The following RBM10 variants were observed in gnomAD, a reference collection of about 807,000 sequenced individuals.
RBM10 encodes the protein RNA-binding protein 10.
A neutral mutation model predicts 84.9 loss-of-function variants in RBM10; 1 was observed. The observed-to-expected ratio is 0.01, with a 90% CI of 0.00 to 0.06. The LOEUF (loss-of-function observed/expected upper bound fraction) is 0.06, where lower values mean the gene tolerates loss of function less well. Among genes scored for constraint, RBM10 ranks in the 10% least tolerant of loss-of-function variants. RBM10 has a pLI of 1.00. For missense variants in RBM10, 438 were observed against 839.0 expected (o/e 0.52, Z 5.90); for synonymous variants, 326 against 344.5 (o/e 0.95, Z 0.60).
Position 47,185,449 on chromosome X carries a change from C to T in RBM10, c.2174C>T (p.Pro725Leu), listed in dbSNP as rs375052241. The change falls in exon 20 of 24, where the codon CCG (proline) becomes CTG (leucine). Residue 725 changes from proline to leucine, a missense_variant. This residue lies in a region of RBM10 where 92 missense variants were observed against 199.9 expected (regional missense o/e 0.46). Transcript: ENST00000377604. ...KLASDDRPSP[P>L]RGLVAAYSGE... ...CACCCTCACCCTCTACAGAGCCCTC[C>T]GCGAGGACTGGTGGCAGCCTACAGC... 9 of 1,171,939 alleles carry T rather than the reference C, an allele frequency of 7.7e-6. No homozygotes were observed. The highest frequency in any genetic ancestry group is 1.0e-5 in the Non-Finnish European group (9 of 875,515).
intron 2 of RBM10, among the ~76,000 whole-genome samples, chrX:47,162,819 T>C (rs1556767214): frequency 9.4e-6 from 1 of 106,656 alleles, no homozygotes; most frequent in Non-Finnish European, 1.9e-5. Flanking sequence ...TGCAATGAGC[T>C]GAGATGGCGC....
intron 2 of RBM10, among the ~76,000 whole-genome samples, chrX:47,153,919 G>A (rs782062784): frequency 9.0e-6 from 1 of 110,831 alleles, no homozygotes; most frequent in East Asian, 2.8e-4. Context: ...TTAGCTGGGC[G>A]TGGTGGCAGG....
chrX:47,167,291 C>T (rs1216327397), intron 2 of RBM10, among the ~76,000 whole-genome samples: 1 of 108,973 alleles, frequency 9.2e-6, no homozygotes, highest in Non-Finnish European at 1.9e-5. Context: ...TTTTCTGTGG[C>T]TTCTGGATTT....
chrX:47,155,264 A>G (rs1248131002), intron 2 of RBM10, among the ~76,000 whole-genome samples: 1 of 110,703 alleles, frequency 9.0e-6, no homozygotes. Context: ...CGTATAGCCA[A>G]TGTTAGGTTA....
At chrX:47,181,433 G>A (rs1422349027) in intron 13 of RBM10, 32 bp downstream of exon 13, 1 of 1,206,261 alleles carries the variant, frequency 8.3e-7, no homozygotes, top group Admixed American at 2.2e-5. Context: ...TGCAGCTGTG[G>A]TGGGGGCCAG....
intron 6 of RBM10, among the ~76,000 whole-genome samples, chrX:47,176,179 G>A (rs1473879904): frequency 3.7e-5 from 4 of 108,816 alleles, no homozygotes; most frequent in Non-Finnish European, 7.7e-5. Flanking sequence ...GGCCCTGGGT[G>A]TGGCCTGGCA....
chrX:47,174,906 C>T (rs1935013408), intron 5 of RBM10, 113 bp from the exon 6 acceptor site: 1 of 554,666 alleles, frequency 1.8e-6, no homozygotes, highest in Admixed American at 2.5e-5. Flanking sequence ...TTTTCCTCTT[C>T]CCCTTTCCCT....
chrX:47,179,811 G>A (rs2147171520), intron 9 of RBM10, 69 bp from the exon 10 acceptor site: 3 of 1,116,817 alleles, frequency 2.7e-6, no homozygotes, highest in South Asian at 1.9e-5. Context: ...AGGGAGCAGT[G>A]GGGGCATTGA....
intron 5 of RBM10, among the ~76,000 whole-genome samples, chrX:47,174,008 ACGGT>A (rs1294838086): frequency 5.7e-5 from 5 of 87,515 alleles, no homozygotes; most frequent in African/African-American, 1.8e-4. Flanking sequence ...ATGCATCCTA[ACGGT>A]TATTCTTTTG....
At position 47,179,126 on chromosome X, in the gene RBM10, C is replaced by G. The variant is rs1556777465; in HGVS notation, c.687C>G (p.Arg229=). 1 of 1,209,443 alleles carries G rather than the reference C, an allele frequency of 8.3e-7. No individual in the cohort carries two copies. The highest frequency in any genetic ancestry group is 1.7e-5 in the African/African-American group (1 of 57,809). The change falls in exon 8 of 24, where the codon CGC becomes CGG. Residue 229 remains arginine (R), a synonymous_variant. Transcript: ENST00000377604. The part of the protein sequence containing the change: ...CNKCGVQNFK[R]REKCFKCGVP... ...AGTGTGGCGTCCAGAACTTCAAACG[C>G]CGAGAGAAGTGCTTCAAATGTGGCG...
At chrX:47,177,911 C>A (rs1935254653) in intron 7 of RBM10, among the ~76,000 whole-genome samples, 1 of 111,854 alleles carries the variant, frequency 8.9e-6, no homozygotes. Flanking sequence ...GCCACCACGC[C>A]CAGCCCAAAA....
intron 2 of RBM10, among the ~76,000 whole-genome samples, chrX:47,161,266 A>T (rs1556766675): frequency 1.8e-5 from 2 of 111,075 alleles, no homozygotes; most frequent in Non-Finnish European, 3.8e-5. Context: ...ATTTAAGGAG[A>T]CTGGATTTGG....
chrX:47,179,030 T>C (rs918896414), intron 7 of RBM10, 73 bp from the exon 8 acceptor site: 14 of 1,174,863 alleles, frequency 1.2e-5, no homozygotes, highest in Non-Finnish European at 1.6e-5. Flanking sequence ...CCCTGGGAGA[T>C]CTCTTCATCC....
chrX:47,155,451 G>C (rs899137245), intron 2 of RBM10, among the ~76,000 whole-genome samples: 1 of 110,014 alleles, frequency 9.1e-6, no homozygotes, highest in African/African-American at 3.3e-5. Flanking sequence ...TTTTACAATG[G>C]GCCTGGTGCG....
In RBM10 at chrX:47,186,056, A is replaced by C. The variant is rs1327312674; in HGVS notation, c.2431-9A>C. ...TCCCCAACATTCACATACACATACA[A>C]ACTTTCAGCAAATGAAGTACCGGGA... On this transcript the variant is annotated splice_polypyrimidine_tract_variant and intron_variant, in intron 21 of 23. Transcript: ENST00000377604. 8.3e-7 allele frequency: 1 copy of C among 1,210,321 alleles called. No homozygotes were observed. Among genetic ancestry groups the C allele is most frequent in the Non-Finnish European group, 1.1e-6 (1 of 894,634 alleles).
intron 2 of RBM10, among the ~76,000 whole-genome samples, chrX:47,165,466 G>C (rs1290660276): frequency 6.1e-5 from 6 of 98,953 alleles, no homozygotes; most frequent in African/African-American, 2.3e-4. Flanking sequence ...AGTGAGCCAA[G>C]ATTGCGCCAT....
chrX:47,173,931 C>T (rs782062241), intron 5 of RBM10, among the ~76,000 whole-genome samples: 584 of 85,536 alleles, frequency 6.8e-3, no homozygotes, highest in Middle Eastern at 0.013. Flanking sequence ...CTCTCTCTCT[C>T]TCTTTCTCCC....
intron 2 of RBM10, chrX:47,157,543 C>A: frequency 2.3e-6 from 1 of 431,613 alleles, no homozygotes. Flanking sequence ...ATGTAGATCT[C>A]AATCTTCCAG....
intron 9 of RBM10, 61 bp downstream of exon 9, chrX:47,179,556 C>T: frequency 9.0e-7 from 1 of 1,109,920 alleles, no homozygotes; most frequent in East Asian, 3.1e-5. Context: ...TCACCAAGAC[C>T]AGAGAAATGG....
Sources: gnomAD v4.1 joint callset for allele counts (sites outside exome capture counted in the v4.1 genomes callset) on GRCh38, gnomAD v4.1.1 for gene constraint, gnomAD v4.1.1 regional missense constraint, MANE v1.5 for transcripts, NCBI Gene and HGNC (gene_info 2026-07-23, HGNC 2026-07-21) for gene names.